The following RORA variants were observed in gnomAD, a reference collection of about 807,000 sequenced individuals.
The protein encoded by RORA is nuclear receptor ROR-alpha.
Under a neutral mutation model 69.5 loss-of-function variants are expected in RORA, and 7 were observed. The observed-to-expected ratio is 0.10, with a 90% CI of 0.06 to 0.19. The LOEUF (loss-of-function observed/expected upper bound fraction) is 0.19, where lower values mean the gene tolerates loss of function less well. Ranked by LOEUF, RORA falls within the 10% of genes least tolerant of loss-of-function variation. The pLI is 1.00. For synonymous variants in RORA, 261 were observed against 240.8 expected, an observed-to-expected ratio of 1.08 and a Z score of -0.78; for missense variants, 457 against 663.0, an observed-to-expected ratio of 0.69 and a Z score of 3.41.
intron 2 of RORA, among the ~76,000 whole-genome samples, chr15:60,674,135 T>C (rs2070517676): frequency 6.6e-6 from 1 of 152,192 alleles, no homozygotes; most frequent in Non-Finnish European, 1.5e-5. Context: ...GTGAGTCACA[T>C]GGGTTGCCAC....
rs138362867 is a variant in RORA at position 60,598,954 on chromosome 15, C to T, written c.197-67103G>A. On this transcript the variant is annotated intron_variant, in intron 2 of 10. Coordinates refer to ENST00000335670, the MANE Select transcript of RORA (RefSeq NM_134261.3). ...TGTGCATTACACTGTGCTAGTATGT[C>T]GAGAGGAAAGGACAAAAATCAAGGT... Among the ~76,000 whole-genome samples the T allele has an allele frequency of 3.0e-3, 451 of 152,132 alleles. 2 individuals are homozygous for T. The highest frequency in any genetic ancestry group is 0.01 in the African/African-American group (435 of 41,502).
At chr15:60,890,368 A>G (rs1442228138) in intron 1 of RORA, among the ~76,000 whole-genome samples, 1 of 152,252 alleles carries the variant, frequency 6.6e-6, no homozygotes, top group African/African-American at 2.4e-5. Context: ...AGAAGAATGC[A>G]GAGTACACAA....
intron 8 of RORA, 63 bp downstream of exon 8, chr15:60,502,697 A>AGTTC: frequency 9.9e-7 from 1 of 1,014,470 alleles, no homozygotes; most frequent in Non-Finnish European, 1.5e-6. Flanking sequence ...CAGAGCTTTC[A>AGTTC]CTCAACCCGC....
chr15:60,568,556 G>A (rs966041312), intron 2 of RORA, among the ~76,000 whole-genome samples: 16 of 152,120 alleles, frequency 1.1e-4, no homozygotes, highest in African/African-American at 3.9e-4. Context: ...CAAGGCACTG[G>A]GGAAGTCTAG....
rs1037158916 is a variant in RORA, at chr15:61,128,185, CTG to C, written c.166+100866_166+100867del. Among the ~76,000 whole-genome samples, 4 of 147,752 alleles carry C rather than the reference CTG, an allele frequency of 2.7e-5. No homozygotes were observed. Among genetic ancestry groups the C allele is most frequent in the African/African-American group, 9.9e-5 (4 of 40,604 alleles). ...GTATATTTTCCCTATATCATAATTG[CTG>C]TGTGTGTGTATGCACACGTGTGTGT... On this transcript the variant is annotated intron_variant, in intron 1 of 10. Coordinates refer to ENST00000335670, the MANE Select transcript of RORA (RefSeq NM_134261.3). This position sits in a 1 kb window ranked among gnomAD's most constrained non-coding sequence, Gnocchi z 4.5.
At chr15:60,904,429 C>A (rs1246750851) in intron 1 of RORA, among the ~76,000 whole-genome samples, 2 of 152,118 alleles carry the variant, frequency 1.3e-5, no homozygotes, top group African/African-American at 4.8e-5. Flanking sequence ...GAGGAGACTG[C>A]AGGCAGAAGT....
At chr15:61,186,623 G>A (rs2079744427) in intron 1 of RORA, among the ~76,000 whole-genome samples, 1 of 116,486 alleles carries the variant, frequency 8.6e-6, no homozygotes, top group Non-Finnish European at 1.7e-5. Context: ...CCTGGGCAAT[G>A]ATGTGAGACC....
At chr15:60,934,247 A>G (rs922778) in intron 1 of RORA, among the ~76,000 whole-genome samples, 22,739 of 152,270 alleles carry the variant, frequency 0.15, 1,882 homozygotes, top group Admixed American at 0.2. Flanking sequence ...CACCTGCCCT[A>G]TGCTGGCCCA....
chr15:60,844,497 AAGCTGCTGCCACG>A (rs1456747509), intron 1 of RORA, among the ~76,000 whole-genome samples: 1 of 152,168 alleles, frequency 6.6e-6, no homozygotes, highest in East Asian at 1.9e-4. Flanking sequence ...GTCATTTTAC[AAGCTGCTGCCACG>A]AGCAAGCCTC....
intron 3 of RORA, among the ~76,000 whole-genome samples, chr15:60,523,052 A>ACAAAAAAAACACAC (rs1455279101): frequency 3.4e-5 from 5 of 148,828 alleles, no homozygotes; most frequent in East Asian, 3.9e-4. Context: ...AAAAAACACA[A>ACAAAAAAAACACAC]AAAAAAAAAC....
Position 60,511,584 on chromosome 15 carries a change from G to A in RORA, c.462C>T (p.Asp154=). 3 of 1,610,444 alleles carry A rather than the reference G, an allele frequency of 1.9e-6. No individual in the cohort carries two copies. Among genetic ancestry groups the A allele is most frequent in the Non-Finnish European group, 2.5e-6 (3 of 1,177,708 alleles). The change falls in exon 5 of 11, where the codon GAC becomes GAT. Residue 154 remains aspartate (D), a synonymous_variant. Coordinates refer to ENST00000335670, the MANE Select transcript of RORA (RefSeq NM_134261.3). This position sits in a 1 kb window ranked among gnomAD's most constrained non-coding sequence, Gnocchi z 6.4. The part of the protein sequence containing the change: ...KFGRMSKKQR[D]SLYAEVQKHR... ...GTTTCTGTACTTCTGCATACAAGCT[G>A]TCTCTCTGCTTTTTTGACATTCGGC...
At chr15:60,577,615 GC>G (rs1195362834) in intron 2 of RORA, among the ~76,000 whole-genome samples, 1 of 144,584 alleles carries the variant, frequency 6.9e-6, no homozygotes, top group African/African-American at 2.6e-5. Flanking sequence ...CTGTACTCCA[GC>G]CTGGGTGACA....
At chr15:60,572,500 G>GT (rs2067911521) in intron 2 of RORA, among the ~76,000 whole-genome samples, 1 of 144,640 alleles carries the variant, frequency 6.9e-6, no homozygotes, top group Non-Finnish European at 1.5e-5. Flanking sequence ...TTTACCATTG[G>GT]TAGCAAGAAA....
chr15:61,112,981 T>C (rs774027053), intron 1 of RORA, among the ~76,000 whole-genome samples: 14 of 152,238 alleles, frequency 9.2e-5, no homozygotes, highest in Admixed American at 2.6e-4. Context: ...GGAATGGTGA[T>C]GTGAGCCCAA....
At chr15:61,006,716 C>T (rs1025995824) in intron 1 of RORA, among the ~76,000 whole-genome samples, 1 of 152,136 alleles carries the variant, frequency 6.6e-6, no homozygotes, top group Non-Finnish European at 1.5e-5. Context: ...CATGAACTTA[C>T]AATCAAAGGG....
rs1393676653 is a variant in RORA, at chr15:60,531,617, T to G, written c.282+149A>C. 1 of 564,528 alleles carries G rather than the reference T, an allele frequency of 1.8e-6. No individual in the cohort carries two copies. Among genetic ancestry groups the G allele is most frequent in the Non-Finnish European group, 3.1e-6 (1 of 322,606 alleles). The allele number at this position is 564,528 out of a possible 1,614,324, so 35.0% of individuals were successfully genotyped here. A position where few individuals can be genotyped will look rare whatever the true frequency, so the allele number is the denominator to read the frequency against. ...TATATATAACTTCTTTAATTGTAAT[T>G]TAACACCAAAATATTTCTTCTATCC... is the stretch of plus-strand genomic sequence containing the variant. On this transcript the variant is annotated intron_variant, in intron 3 of 10. Transcript: ENST00000335670. This position sits in a 1 kb window ranked among gnomAD's most constrained non-coding sequence, Gnocchi z 4.8.
At chr15:60,772,524 A>C (rs143506405) in intron 1 of RORA, among the ~76,000 whole-genome samples, 1 of 152,226 alleles carries the variant, frequency 6.6e-6, no homozygotes, top group Admixed American at 6.5e-5. Flanking sequence ...TCTCTTTAAA[A>C]AACTATTTTG....
intron 1 of RORA, among the ~76,000 whole-genome samples, chr15:61,090,616 G>A (rs2078691205): frequency 6.6e-6 from 1 of 152,182 alleles, no homozygotes; most frequent in African/African-American, 2.4e-5. Context: ...TTTTGTTGAG[G>A]CAGAACAGGT....
intron 1 of RORA, among the ~76,000 whole-genome samples, chr15:60,784,740 ACTCT>A (rs556187523): frequency 6.9e-4 from 105 of 152,198 alleles, no homozygotes; most frequent in African/African-American, 2.3e-3. Flanking sequence ...TTGAGCAGTG[ACTCT>A]CTCTCATACT....
Sources: allele counts gnomAD v4.1 joint callset (sites outside exome capture counted in the v4.1 genomes callset), GRCh38; gene constraint gnomAD v4.1.1; non-coding constraint Gnocchi (gnomAD v3.1); transcripts MANE v1.5; gene names NCBI Gene and HGNC (gene_info 2026-07-23, HGNC 2026-07-21).